The following LRTM3 variants were observed in gnomAD, a reference collection of about 807,000 sequenced individuals.
LRTM3 encodes leucine rich repeat transmembrane protein 3.
At chr13:102,748,240 T>C in the LRTM3 span, 7 of 1,551,216 alleles carry the variant, frequency 4.5e-6, no homozygotes, top group African/African-American at 1.4e-5. Context: ...TGCATTCCAG[T>C]TCCTCACTTT....
chr13:102,738,353 T>G, the LRTM3 span: 1 of 1,550,940 alleles, frequency 6.4e-7, no homozygotes, highest in Non-Finnish European at 8.7e-7. Context: ...TGGAAGATAG[T>G]ATCTTGTTAT....
chr13:102,741,227 G>C, the LRTM3 span: 1 of 1,550,142 alleles, frequency 6.5e-7, no homozygotes, highest in Non-Finnish European at 8.7e-7. Flanking sequence ...ATCCAACTTT[G>C]ATTGCTCTTT....
the LRTM3 span, chr13:102,749,983 G>A: frequency 1.1e-5 from 17 of 1,550,446 alleles, no homozygotes; most frequent in Non-Finnish European, 1.2e-5. Flanking sequence ...AAAGAAATAA[G>A]TGGGCAAGAG....
At chr13:102,731,393 A>C in the LRTM3 span, 51 of 1,551,492 alleles carry the variant, frequency 3.3e-5, no homozygotes, top group African/African-American at 6.7e-4. Context: ...TTTCCTTGCC[A>C]TCTCTGGTAT....
chr13:102,756,972 A>G, the LRTM3 span, among the ~76,000 whole-genome samples: 108,142 of 152,042 alleles, frequency 0.71, 39,846 homozygotes, highest in South Asian at 0.84. Context: ...TTCTGAAGCT[A>G]AAAATCCTTT....
chr13:102,732,010 G>C, the LRTM3 span: 1 of 1,551,298 alleles, frequency 6.4e-7, no homozygotes, highest in Non-Finnish European at 8.7e-7. Context: ...TTTCACTTCT[G>C]AGGTTTGCTT....
At chr13:102,732,066 C>A in the LRTM3 span, 1 of 1,551,334 alleles carries the variant, frequency 6.4e-7, no homozygotes, top group Non-Finnish European at 8.7e-7. Context: ...TTGTCCACTG[C>A]AAAGGGCTGG....
chr13:102,733,772 C>CA, the LRTM3 span: 2 of 1,551,380 alleles, frequency 1.3e-6, no homozygotes, highest in Non-Finnish European at 1.7e-6. Context: ...TGACCTGACT[C>CA]GTGAAGGTTG....
At chr13:102,743,635 T>C in the LRTM3 span, 1 of 1,550,144 alleles carries the variant, frequency 6.5e-7, no homozygotes, top group African/African-American at 1.4e-5. Context: ...AAGTTGCAGG[T>C]GAGTTTTCTT....
chr13:102,731,866 G>A, the LRTM3 span: 2 of 1,549,716 alleles, frequency 1.3e-6, no homozygotes, highest in African/African-American at 1.4e-5. Flanking sequence ...GACACTCTGT[G>A]GGTGTCAGAA....
the LRTM3 span, chr13:102,741,391 C>T: frequency 3.2e-6 from 5 of 1,549,734 alleles, no homozygotes; most frequent in African/African-American, 4.1e-5. Context: ...CCTGTTCTTT[C>T]TGCTCTGCAG....
the LRTM3 span, chr13:102,745,532 T>C: frequency 4.5e-6 from 7 of 1,550,944 alleles, no homozygotes; most frequent in South Asian, 2.4e-5. Context: ...AGCCCTGATA[T>C]TGAGCATGTA....
chr13:102,734,016 G>C, the LRTM3 span: 2 of 1,551,442 alleles, frequency 1.3e-6, no homozygotes, highest in Non-Finnish European at 1.7e-6. Flanking sequence ...AGATAAAGAG[G>C]AGGTGCTGAC....
the LRTM3 span, chr13:102,743,499 G>T: frequency 6.5e-7 from 1 of 1,548,538 alleles, no homozygotes; most frequent in Non-Finnish European, 8.7e-7. Context: ...GAAATTGGTG[G>T]TTTCTTTTCC....
At chr13:102,742,879 T>C in the LRTM3 span, 3 of 1,550,862 alleles carry the variant, frequency 1.9e-6, no homozygotes, top group Admixed American at 5.9e-5. Flanking sequence ...ATTTGTTTGA[T>C]ATGGCATCAT....
chr13:102,755,991 G>A, the LRTM3 span, among the ~76,000 whole-genome samples: 26 of 132,980 alleles, frequency 2.0e-4, no homozygotes, highest in Admixed American at 4.9e-4. Context: ...AGCTGGAGTC[G>A]CTTCGTCTCC....
the LRTM3 span, chr13:102,750,256 T>C: frequency 6.4e-7 from 1 of 1,551,276 alleles, no homozygotes; most frequent in Non-Finnish European, 8.7e-7. Flanking sequence ...TAGAGGGACT[T>C]ACTTGATCTT....
At chr13:102,737,863 G>A in the LRTM3 span, 1 of 1,549,876 alleles carries the variant, frequency 6.5e-7, no homozygotes, top group Admixed American at 2.0e-5. Context: ...ATATATAATG[G>A]GTTAGAGAAG....
At chr13:102,749,668 A>T in the LRTM3 span, 2 of 1,551,444 alleles carry the variant, frequency 1.3e-6, no homozygotes, top group Non-Finnish European at 1.7e-6. Context: ...TCACATCTTC[A>T]GGCTGGGCAA....
Sources: allele counts gnomAD v4.1 joint callset (sites outside exome capture counted in the v4.1 genomes callset), GRCh38; gene constraint gnomAD v4.1.1; transcripts MANE v1.5; gene names NCBI Gene and HGNC (gene_info 2026-07-23, HGNC 2026-07-21).